PUS7L: variants seen among roughly 807,000 people sequenced by gnomAD.
PUS7L encodes the protein pseudouridine synthase 7 like.
In PUS7L, 49 loss-of-function variants were observed where a neutral mutation model predicts 51.1. That is an observed-to-expected ratio of 0.96 (90% CI 0.76 to 1.22). The LOEUF (loss-of-function observed/expected upper bound fraction) is 1.22, where lower values mean the gene tolerates loss of function less well. Ranked by LOEUF, PUS7L falls within the 50% of genes most tolerant of loss-of-function variation. The probability of loss-of-function intolerance (pLI) is 0.00; values close to 1 mark genes in which losing one functional copy is unlikely to be tolerated. For synonymous variants in PUS7L, 277 were observed against 276.2 expected, an observed-to-expected ratio of 1.00 and a Z score of -0.03; for missense variants, 828 against 820.6, an observed-to-expected ratio of 1.01 and a Z score of -0.11.
intron 2 of PUS7L, among the ~76,000 whole-genome samples, chr12:43,749,022 G>GT (rs1792562478): frequency 6.6e-6 from 1 of 152,150 alleles, no homozygotes; most frequent in South Asian, 2.1e-4. Context: ...ATGCCCAGCC[G>GT]TAAGGAGTAC....
At position 43,725,144 on chromosome 12, in the gene PUS7L, T is replaced by C. The variant is rs1001784673; in HGVS notation, c.*5232A>G. 6.6e-6 allele frequency: 1 copy of C among 152,144 alleles called. No homozygotes were observed. The highest frequency in any genetic ancestry group is 1.9e-4 in the East Asian group (1 of 5,184). The allele number at this position is 152,144 out of a possible 1,614,324, so 9.4% of individuals were successfully genotyped here. Reference sequence around the variant, plus strand: ...AAAGTATATTGAAAAAGAACAAGTTTCTCACTATGCTTTTTCAATGATATT... The same window carrying C: ...AAAGTATATTGAAAAAGAACAAGTTCCTCACTATGCTTTTTCAATGATATT... On this transcript the variant is annotated 3_prime_UTR_variant, in exon 9 of 9. Coordinates refer to ENST00000344862, the MANE Select transcript of PUS7L (RefSeq NM_031292.5).
chr12:43,755,865 G>C (rs1406880670), intron 1 of PUS7L, among the ~76,000 whole-genome samples: 2 of 152,208 alleles, frequency 1.3e-5, no homozygotes, highest in Non-Finnish European at 2.9e-5. Context: ...TCAAGGTTGA[G>C]CCAGAGGAAA....
At chr12:43,738,090 C>T in intron 6 of PUS7L, 1 of 417,324 alleles carries the variant, frequency 2.4e-6, no homozygotes. Context: ...CCCATTGCCC[C>T]TACCCCTAGA....
chr12:43,742,113 G>A (rs1316644074), intron 5 of PUS7L, among the ~76,000 whole-genome samples: 3 of 152,112 alleles, frequency 2.0e-5, no homozygotes. Flanking sequence ...CTGGACTTAT[G>A]TGGATTCCTA....
Position 43,730,546 on chromosome 12 carries a change from T to C in PUS7L, c.1936A>G (p.Lys646Glu). Reference sequence around the variant, plus strand: ...TGGTATGAGAGATTACAGGGATGTTTCAAAATCTGTCTATAGCAACCTGGT... The same window carrying C: ...TGGTATGAGAGATTACAGGGATGTTCCAAAATCTGTCTATAGCAACCTGGT... ...NIPGCYRQIL[K>E]HPCNLSYQLM... is the part of the protein sequence containing the mutation. The change falls in exon 9 of 9, where the codon AAA becomes GAA. Residue 646 changes from lysine to glutamate, a missense_variant. Lys to Glu is a moderately conservative substitution (Grantham distance 56, BLOSUM62 1). Transcript: ENST00000344862. 6.2e-7 allele frequency: 1 copy of C among 1,613,930 alleles called. No individual in the cohort carries two copies. The highest frequency in any genetic ancestry group is 1.7e-5 in the Admixed American group (1 of 60,008).
rs1024941362 is a variant in PUS7L at position 43,734,035 on chromosome 12, C to T, written c.1726-2277G>A. On this transcript the variant is annotated intron_variant, in intron 7 of 8. Coordinates refer to ENST00000344862, the MANE Select transcript of PUS7L (RefSeq NM_031292.5). ...TTTACTCCCTCTTTTCAAGTAGCGG[C>T]ACTCTCATTTTCCAGGGGACCTCTC... is the stretch of plus-strand genomic sequence containing the variant. Among the ~76,000 whole-genome samples the T allele has an allele frequency of 3.3e-5, 5 of 152,308 alleles. No homozygotes were observed. The South Asian group carries it at 1.0e-3, about 32-fold the overall frequency.
intron 2 of PUS7L, among the ~76,000 whole-genome samples, chr12:43,749,003 T>A (rs1938312186): frequency 6.6e-6 from 1 of 152,226 alleles, no homozygotes. Flanking sequence ...ATTACAGGCG[T>A]CAGCCACCAT....
At chr12:43,745,439 C>A (rs564877870) in intron 4 of PUS7L, among the ~76,000 whole-genome samples, 1 of 152,278 alleles carries the variant, frequency 6.6e-6, no homozygotes, top group South Asian at 2.1e-4. Context: ...CGAGTGAGTT[C>A]TCACAATATT....
chr12:43,746,249 T>C lies in PUS7L; in HGVS notation c.1071-11A>G. The C allele has an allele frequency of 1.8e-6, 2 of 1,109,100 alleles. No individual in the cohort carries two copies. The highest frequency in any genetic ancestry group is 1.3e-6 in the Non-Finnish European group (1 of 774,794). 68.7% of individuals were successfully genotyped at this position (1,109,100 alleles called of 1,614,324 possible). On this transcript the variant is annotated splice_polypyrimidine_tract_variant and intron_variant, in intron 3 of 8. Coordinates refer to ENST00000344862, the MANE Select transcript of PUS7L (RefSeq NM_031292.5). ...TCAATATTTTTCAACCTGTAAGTAATAAATCATATAAACTCAGTTAAATTT... is the reference window on the plus strand; with the variant it reads ...TCAATATTTTTCAACCTGTAAGTAACAAATCATATAAACTCAGTTAAATTT...
intron 7 of PUS7L, 41 bp downstream of exon 7, chr12:43,736,340 T>C: frequency 6.4e-7 from 1 of 1,557,422 alleles, no homozygotes; most frequent in South Asian, 1.1e-5. Context: ...TGTTCTGGTA[T>C]AGTAACTACT....
chr12:43,732,714 G>A (rs112530770), intron 7 of PUS7L, among the ~76,000 whole-genome samples: 2,390 of 152,280 alleles, frequency 0.016, 72 homozygotes, highest in African/African-American at 0.053. Flanking sequence ...ACAGTGTCTA[G>A]AGCCCCTCTA....
rs778956067 is a variant in PUS7L at position 43,720,960 on chromosome 12, A to T, written c.*9416T>A. 2.0e-5 allele frequency: 3 copies of T among 152,226 alleles called. No homozygotes were observed. Among genetic ancestry groups the T allele is most frequent in the Non-Finnish European group, 2.9e-5 (2 of 68,038 alleles). 9.4% of individuals were successfully genotyped at this position (152,226 alleles called of 1,614,324 possible). A position where few individuals can be genotyped will look rare whatever the true frequency, so the allele number is the denominator to read the frequency against. The stretch of plus-strand genomic sequence containing the variant: ...TAAAATGAAAATAATAACAGTACTT[A>T]TCCCACATGTAAGTACTTGTTGATA... On this transcript the variant is annotated 3_prime_UTR_variant, in exon 9 of 9. Transcript: ENST00000344862.
At position 43,734,767 on chromosome 12, in the gene PUS7L, C is replaced by T. The variant is rs201718738; in HGVS notation, c.1725+1614G>A. On this transcript the variant is annotated intron_variant, in intron 7 of 8. Transcript: ENST00000344862. ...ATCTGTCTACTCTCCAATCTGGGAC[C>T]CAATTTTCATTTCTATAAAATGGGA... 5.9e-5 allele frequency among the ~76,000 whole-genome samples: 9 copies of T among 152,094 alleles called. No individual in the cohort carries two copies. The East Asian group carries it at 1.5e-3, about 26-fold the overall frequency.
chr12:43,750,448 G>A (rs1271719636), intron 2 of PUS7L, among the ~76,000 whole-genome samples: 2 of 151,958 alleles, frequency 1.3e-5, no homozygotes, highest in East Asian at 3.9e-4. Context: ...AAGCAATATG[G>A]GAACATTTAC....
At chr12:43,735,739 C>G (rs1373226147) in intron 7 of PUS7L, among the ~76,000 whole-genome samples, 1 of 152,054 alleles carries the variant, frequency 6.6e-6, no homozygotes, top group African/African-American at 2.4e-5. Flanking sequence ...CAGGGAATCA[C>G]ATTAGGATGC....
At position 43,727,711 on chromosome 12, in the gene PUS7L, T is replaced by G. The variant is rs919188643; in HGVS notation, c.*2665A>C. ...GTGGAGGGTGGGAGAAAGATGAGGA[T>G]AGAAAAACAACCTATCAGGTACTAT... is the stretch of plus-strand genomic sequence containing the variant. On this transcript the variant is annotated 3_prime_UTR_variant, in exon 9 of 9. Coordinates refer to ENST00000344862, the MANE Select transcript of PUS7L (RefSeq NM_031292.5). 1 of 152,026 alleles carries G rather than the reference T, an allele frequency of 6.6e-6. No individual in the cohort carries two copies. Among genetic ancestry groups the G allele is most frequent in the South Asian group, 2.1e-4 (1 of 4,822 alleles). The allele number at this position is 152,026 out of a possible 1,614,324, so 9.4% of individuals were successfully genotyped here.
rs1944469556 is a variant in PUS7L at position 43,727,421 on chromosome 12, C to T, written c.*2955G>A. On this transcript the variant is annotated 3_prime_UTR_variant, in exon 9 of 9. Coordinates refer to ENST00000344862, the MANE Select transcript of PUS7L (RefSeq NM_031292.5). ...ACAGCACTATTGACAATAGCAAAGACATGGAACCAACCTAGATGCCCATTA... is the reference window on the plus strand; with the variant it reads ...ACAGCACTATTGACAATAGCAAAGATATGGAACCAACCTAGATGCCCATTA... 1 of 152,164 alleles carries T rather than the reference C, an allele frequency of 6.6e-6. No individual in the cohort carries two copies. Among genetic ancestry groups the T allele is most frequent in the Non-Finnish European group, 1.5e-5 (1 of 68,044 alleles). The allele number at this position is 152,164 out of a possible 1,614,324, so 9.4% of individuals were successfully genotyped here.
rs1198803997 is a variant in PUS7L at position 43,720,062 on chromosome 12, A to T, written c.*10314T>A. 1 of 152,120 alleles carries T rather than the reference A, an allele frequency of 6.6e-6. No individual in the cohort carries two copies. Among genetic ancestry groups the T allele is most frequent in the African/African-American group, 2.4e-5 (1 of 41,418 alleles). 9.4% of individuals were successfully genotyped at this position (152,120 alleles called of 1,614,324 possible). ...TAATGTACAGACTTCCTTCTTTTCT[A>T]CCATAAGCATTTATGAATATAATCT... On this transcript the variant is annotated 3_prime_UTR_variant, in exon 9 of 9. Coordinates refer to ENST00000344862, the MANE Select transcript of PUS7L (RefSeq NM_031292.5).
At position 43,731,622 on chromosome 12, in the gene PUS7L, G is replaced by A. The variant is rs371829533; in HGVS notation, c.1779+83C>T. ...TTAAAAGTTGTTTAATAAAAAAGAG[G>A]AGGGGAACTAGTTAACATTTTGCTT... On this transcript the variant is annotated intron_variant, in intron 8 of 8. Transcript: ENST00000344862. 392 of 655,984 alleles carry A rather than the reference G, an allele frequency of 6.0e-4. 3 individuals carry two copies. The African/African-American group carries it at 6.5e-3, about 11-fold the overall frequency. 40.6% of individuals were successfully genotyped at this position (655,984 alleles called of 1,614,324 possible).
Sources: gnomAD v4.1 joint callset for allele counts (sites outside exome capture counted in the v4.1 genomes callset) on GRCh38, gnomAD v4.1.1 for gene constraint, MANE v1.5 for transcripts, NCBI Gene and HGNC (gene_info 2026-07-23, HGNC 2026-07-21) for gene names.